The following PRTG variants were observed in gnomAD, a reference collection of about 807,000 sequenced individuals.
PRTG encodes protogenin, also known as immunoglobulin superfamily, DCC subclass, member 5.
Under a neutral mutation model 122.5 loss-of-function variants are expected in PRTG, and 67 were observed. That is an observed-to-expected ratio of 0.55 (90% CI 0.45 to 0.67). The LOEUF is 0.67. Ranked by LOEUF, PRTG falls within the 30% of genes least tolerant of loss-of-function variation. The pLI, the probability that PRTG is intolerant of heterozygous loss-of-function variation, is 0.00. For synonymous variants in PRTG, 554 were observed against 501.1 expected (o/e 1.11, Z -1.41); for missense variants, 1,435 against 1,415.4 (o/e 1.01, Z -0.22).
Position 55,680,069 on chromosome 15 carries a change from T to G in PRTG, c.958A>C (p.Thr320Pro). Residue 320 changes from threonine (T) to proline (P), a missense_variant, in exon 6 of 20, where the codon ACT becomes CCT. Transcript: ENST00000389286. ...GTRNFTVAMA[T>P]LTVLAPPSFV... Reference sequence around the variant, plus strand: ...AGGAACATACCTAATACAGTTAAAGTTGCCATAGCAACTGTAAAGTTGCGT... The same window carrying G: ...AGGAACATACCTAATACAGTTAAAGGTGCCATAGCAACTGTAAAGTTGCGT... 1 of 1,613,686 alleles carries G rather than the reference T, an allele frequency of 6.2e-7. No homozygotes were observed.
intron 11 of PRTG, among the ~76,000 whole-genome samples, chr15:55,656,745 T>C (rs1164584074): frequency 2.0e-5 from 3 of 152,228 alleles, no homozygotes; most frequent in Non-Finnish European, 4.4e-5. Context: ...CCTGACCTCA[T>C]GATCTGCCCA....
chr15:55,620,671 C>A lies in PRTG; in HGVS notation c.3190G>T (p.Val1064Phe). Reference sequence around the variant, plus strand: ...TCATTTAGATAGGTTACCTGCTCAACTTGTATCTTCTTTGAGTCTTGGAAA... The same window carrying A: ...TCATTTAGATAGGTTACCTGCTCAAATTGTATCTTCTTTGAGTCTTGGAAA... The part of the protein sequence containing the change: ...FFFQDSKKIQ[V>F]EQPQRRFTPA... Residue 1064 changes from valine (V) to phenylalanine (F), a missense_variant, in exon 19 of 20, where the codon GTT becomes TTT. Transcript: ENST00000389286. The A allele has an allele frequency of 1.3e-6, 2 of 1,591,112 alleles. No homozygotes were observed. The highest frequency in any genetic ancestry group is 3.8e-5 in the Admixed American group (2 of 52,418).
chr15:55,688,399 G>A (rs1368455658), intron 2 of PRTG, among the ~76,000 whole-genome samples: 1 of 138,002 alleles, frequency 7.2e-6, no homozygotes, highest in East Asian at 3.7e-4. Flanking sequence ...CTTTTTTGGT[G>A]ATTATATCCT....
chr15:55,627,144 C>A lies in PRTG; in HGVS notation c.2807-16G>T. The A allele has an allele frequency of 6.4e-7, 1 of 1,552,402 alleles. No homozygotes were observed. Among genetic ancestry groups the A allele is most frequent in the Non-Finnish European group, 8.8e-7 (1 of 1,140,930 alleles). On this transcript the variant is annotated splice_polypyrimidine_tract_variant and intron_variant, in intron 16 of 19. Transcript: ENST00000389286. Reference sequence around the variant, plus strand: ...CCTGAATAAACTAGAAGGGAAAACACATTTACTCAGAATCAATCAGAAAAA... The same window carrying A: ...CCTGAATAAACTAGAAGGGAAAACAAATTTACTCAGAATCAATCAGAAAAA...
At position 55,637,219 on chromosome 15, in the gene PRTG, T is replaced by C; in HGVS notation, c.2574A>G (p.Ala858=). The C allele has an allele frequency of 6.2e-7, 1 of 1,612,376 alleles. No homozygotes were observed. The highest frequency in any genetic ancestry group is 8.5e-7 in the Non-Finnish European group (1 of 1,179,334). Residue 858 remains alanine (A), a synonymous_variant, in exon 15 of 20, where the codon GCA becomes GCG. Coordinates refer to ENST00000389286, the MANE Select transcript of PRTG (RefSeq NM_173814.6). ...TVVTRYTILY[A]SRKAWIAGEW... is the part of the protein sequence containing the mutation. ...CTCCTGCAATCCAGGCCTTCCTAGATGCATATAAGATAGTATAGCGGGTCA... is the reference window on the plus strand; with the variant it reads ...CTCCTGCAATCCAGGCCTTCCTAGACGCATATAAGATAGTATAGCGGGTCA...
chr15:55,631,552 G>A (rs2059227583), intron 15 of PRTG, among the ~76,000 whole-genome samples: 1 of 152,164 alleles, frequency 6.6e-6, no homozygotes, highest in Admixed American at 6.5e-5. Context: ...AAATACTGAA[G>A]TGATCTCAGT....
chr15:55,671,593 G>C (rs2059472062), intron 11 of PRTG, among the ~76,000 whole-genome samples: 1 of 152,056 alleles, frequency 6.6e-6, no homozygotes, highest in Non-Finnish European at 1.5e-5. Context: ...CCACCACCCA[G>C]GGTGAAGCTA....
chr15:55,641,116 C>G lies in PRTG; in HGVS notation c.2134G>C (p.Val712Leu). 1 of 1,609,854 alleles carries G rather than the reference C, an allele frequency of 6.2e-7. No homozygotes were observed. Among genetic ancestry groups the G allele is most frequent in the Non-Finnish European group, 8.5e-7 (1 of 1,176,184 alleles). Residue 712 changes from valine to leucine, a missense_variant, in exon 12 of 20, where the codon GTG becomes CTG. Physicochemically the swap from Val to Leu is conservative, Grantham distance 32. Coordinates refer to ENST00000389286, the MANE Select transcript of PRTG (RefSeq NM_173814.6). ...ADQTVSTPGC[V>L]SVRDRMVPPP... Reference sequence around the variant, plus strand: ...AACTGCCATGGCTTTCACTTACACACGCATCCTGGAGTGCTGACAGTCTGA... The same window carrying G: ...AACTGCCATGGCTTTCACTTACACAGGCATCCTGGAGTGCTGACAGTCTGA...
chr15:55,739,222 A>G (rs193182828), intron 2 of PRTG, among the ~76,000 whole-genome samples: 1 of 152,108 alleles, frequency 6.6e-6, no homozygotes, highest in East Asian at 1.9e-4. Flanking sequence ...AATTGTATAG[A>G]ACTTGAAACT....
chr15:55,739,200 T>G (rs1403587678), intron 2 of PRTG, among the ~76,000 whole-genome samples: 2 of 152,100 alleles, frequency 1.3e-5, no homozygotes, highest in African/African-American at 2.4e-5. Context: ...TGCCAATAGC[T>G]TCCTAAATTT....
chr15:55,730,125 G>T (rs925156713), intron 2 of PRTG, among the ~76,000 whole-genome samples: 1 of 151,772 alleles, frequency 6.6e-6, no homozygotes, highest in African/African-American at 2.4e-5. Context: ...TTTTTGAGAT[G>T]GGGTTTCTCT....
chr15:55,697,943 T>C (rs984438884), intron 2 of PRTG, among the ~76,000 whole-genome samples: 9 of 152,224 alleles, frequency 5.9e-5, no homozygotes, highest in African/African-American at 2.2e-4. Flanking sequence ...TTCTATTATC[T>C]TGCTGGACAT....
intron 2 of PRTG, among the ~76,000 whole-genome samples, chr15:55,697,395 C>T (rs940773169): frequency 6.6e-6 from 1 of 152,342 alleles, no homozygotes; most frequent in South Asian, 2.1e-4. Context: ...CAAACCACAT[C>T]ACCACCTCCC....
At chr15:55,723,908 C>A (rs2030929834) in intron 2 of PRTG, among the ~76,000 whole-genome samples, 1 of 152,050 alleles carries the variant, frequency 6.6e-6, no homozygotes, top group East Asian at 1.9e-4. Flanking sequence ...CCTGCCACCA[C>A]ACCTAGCTAA....
intron 2 of PRTG, among the ~76,000 whole-genome samples, chr15:55,722,561 A>G (rs987580798): frequency 1.3e-5 from 2 of 152,160 alleles, no homozygotes; most frequent in African/African-American, 4.8e-5. Flanking sequence ...GCTGAAAACT[A>G]AAACGAAGAA....
At chr15:55,672,954 G>T (rs888058378) in intron 10 of PRTG, among the ~76,000 whole-genome samples, 6 of 152,044 alleles carry the variant, frequency 3.9e-5, no homozygotes, top group African/African-American at 1.4e-4. Flanking sequence ...ACTATTGTCA[G>T]CCAATTAACA....
intron 8 of PRTG, among the ~76,000 whole-genome samples, chr15:55,675,952 C>T (rs548883235): frequency 2.0e-5 from 3 of 152,266 alleles, no homozygotes; most frequent in African/African-American, 7.2e-5. Context: ...TCAAAACCCA[C>T]AGCAGAGACA....
At chr15:55,737,020 C>T (rs1239424541) in intron 2 of PRTG, among the ~76,000 whole-genome samples, 1 of 152,166 alleles carries the variant, frequency 6.6e-6, no homozygotes, top group African/African-American at 2.4e-5. Flanking sequence ...ATTTATCTTA[C>T]CTATTTCAAC....
At position 55,672,459 on chromosome 15, in the gene PRTG, G is replaced by A. The variant is rs775874509; in HGVS notation, c.2027C>T (p.Thr676Ile). 8 of 1,613,618 alleles carry A rather than the reference G, an allele frequency of 5.0e-6. No homozygotes were observed. The highest frequency in any genetic ancestry group is 3.3e-5 in the South Asian group (3 of 91,042). The change falls in exon 11 of 20, where the codon ACT (threonine) becomes ATT (isoleucine). Residue 676 changes from threonine (T) to isoleucine (I), a missense_variant. Coordinates refer to ENST00000389286, the MANE Select transcript of PRTG (RefSeq NM_173814.6). ...AACTCACTCACCTAAGCCACTGAGAGTATAGAGTAGGTCCTTGGTATCCAA... is the reference window on the plus strand; with the variant it reads ...AACTCACTCACCTAAGCCACTGAGAATATAGAGTAGGTCCTTGGTATCCAA... ...IFLDTKDLLYTLSGLDPRRKY... is the reference protein window; with the variant it reads ...IFLDTKDLLYILSGLDPRRKY...
Sources: gnomAD v4.1 joint callset for allele counts (sites outside exome capture counted in the v4.1 genomes callset) on GRCh38, gnomAD v4.1.1 for gene constraint, MANE v1.5 for transcripts, NCBI Gene and HGNC (gene_info 2026-07-23, HGNC 2026-07-21) for gene names.